Variants in RPA3 observed in about 807,000 individuals in gnomAD.
RPA3 encodes replication protein A3, also known as replication protein A 14 kDa subunit.
In RPA3, 24 loss-of-function variants were observed where a neutral mutation model predicts 13.7. That is an observed-to-expected ratio of 1.75 (90% CI 1.27 to 2.46). The LOEUF is 2.46. Ranked by LOEUF, RPA3 falls within the 30% of genes most tolerant of loss-of-function variation. The pLI is 0.00. For synonymous variants in RPA3, 59 were observed against 51.2 expected (o/e 1.15, Z -0.65); for missense variants, 183 against 151.0 (o/e 1.21, Z -1.11).
intron 2 of RPA3, among the ~76,000 whole-genome samples, chr7:7,703,357 A>G (rs923627046): frequency 1.1e-4 from 16 of 152,296 alleles, no homozygotes; most frequent in African/African-American, 3.9e-4. Context: ...ACTGAAGAAG[A>G]GATTTTCCAT....
intron 4 of RPA3, among the ~76,000 whole-genome samples, chr7:7,680,108 TC>T (rs2115119884): frequency 6.6e-6 from 1 of 152,266 alleles, no homozygotes; most frequent in Non-Finnish European, 1.5e-5. Context: ...ACTCAAGAAA[TC>T]TTTGTTCAGA....
chr7:7,712,537 T>G (rs1786788962), intron 2 of RPA3, among the ~76,000 whole-genome samples: 1 of 152,214 alleles, frequency 6.6e-6, no homozygotes, highest in Non-Finnish European at 1.5e-5. Flanking sequence ...CTGATACTTG[T>G]AGCAACCATC....
intron 7 of RPA3, among the ~76,000 whole-genome samples, chr7:7,637,610 A>G (rs1705339991): frequency 6.6e-6 from 1 of 150,994 alleles, no homozygotes; most frequent in African/African-American, 2.4e-5. Context: ...ATGTAATTGT[A>G]TGTAATACAT....
intron 1 of RPA3, among the ~76,000 whole-genome samples, chr7:7,716,885 G>A (rs960158860): frequency 6.6e-6 from 1 of 152,090 alleles, no homozygotes; most frequent in Non-Finnish European, 1.5e-5. Context: ...GGCGGAGCAT[G>A]CTATGTAAAT....
chr7:7,649,697 C>A (rs1368855017), intron 4 of RPA3, among the ~76,000 whole-genome samples: 2 of 151,204 alleles, frequency 1.3e-5, no homozygotes, highest in Non-Finnish European at 2.9e-5. Context: ...TGGGGGGGCC[C>A]ACCCTACAAA....
intron 4 of RPA3, among the ~76,000 whole-genome samples, chr7:7,645,538 G>T (rs928306333): frequency 6.6e-6 from 1 of 152,146 alleles, no homozygotes; most frequent in Admixed American, 6.5e-5. Flanking sequence ...AAGTGGACCC[G>T]CATTCAGCTT....
chr7:7,677,675 T>G (rs370485453), intron 4 of RPA3, among the ~76,000 whole-genome samples: 71,028 of 123,032 alleles, frequency 0.58, 19,693 homozygotes, highest in East Asian at 0.77. Flanking sequence ...TTTTTTTTTT[T>G]TTTTTTTTTT....
intron 2 of RPA3, among the ~76,000 whole-genome samples, chr7:7,697,584 G>A (rs1780351879): frequency 6.6e-6 from 1 of 151,998 alleles, no homozygotes; most frequent in Non-Finnish European, 1.5e-5. Context: ...ATATGTACCT[G>A]CTAAAGCCCT....
At chr7:7,649,158 C>CAAAAAA (rs34943326) in intron 4 of RPA3, among the ~76,000 whole-genome samples, 35 of 128,840 alleles carry the variant, frequency 2.7e-4, no homozygotes, top group African/African-American at 6.4e-4. Context: ...GACTCCATCT[C>CAAAAAA]AAAAAAAAAA....
chr7:7,677,664 G>GTTTTTTTT (rs141602455), intron 4 of RPA3, among the ~76,000 whole-genome samples: 28 of 113,494 alleles, frequency 2.5e-4, no homozygotes, highest in African/African-American at 3.9e-4. Flanking sequence ...CTGTTTTTTT[G>GTTTTTTTT]TTTTTTTTTT....
At chr7:7,693,127 GTATA>G (rs934334533) in intron 2 of RPA3, among the ~76,000 whole-genome samples, 24 of 152,178 alleles carry the variant, frequency 1.6e-4, no homozygotes, top group African/African-American at 5.5e-4. Flanking sequence ...AACCCCAAAG[GTATA>G]TATATGTCCC....
At chr7:7,706,950 T>G (rs1208687907) in intron 2 of RPA3, among the ~76,000 whole-genome samples, 1 of 152,190 alleles carries the variant, frequency 6.6e-6, no homozygotes, top group African/African-American at 2.4e-5. Context: ...AGCAAATCTT[T>G]CCTAATGCCA....
In RPA3 at chr7:7,680,421, G is replaced by C. The variant is rs531011435; in HGVS notation, c.-758+5409C>G. On this transcript the variant is annotated intron_variant, in intron 4 of 7. Coordinates refer to ENST00000223129, the MANE Select transcript of RPA3 (RefSeq NM_002947.5). ...ATGTGTCTGTTTTTATGCCGGTACT[G>C]TGCTATTTTAGTTACTATAGCTTTT... Among the ~76,000 whole-genome samples, 3 of 152,142 alleles carry C rather than the reference G, an allele frequency of 2.0e-5. No homozygotes were observed. The East Asian group carries it at 5.8e-4, about 29-fold the overall frequency.
intron 4 of RPA3, among the ~76,000 whole-genome samples, chr7:7,653,980 G>A (rs1785284713): frequency 6.6e-6 from 1 of 152,192 alleles, no homozygotes; most frequent in Non-Finnish European, 1.5e-5. Flanking sequence ...AATGTAATAT[G>A]AGATTTCCCC....
chr7:7,692,759 G>A (rs1236170929), intron 2 of RPA3, among the ~76,000 whole-genome samples: 3 of 151,966 alleles, frequency 2.0e-5, no homozygotes, highest in South Asian at 2.1e-4. Context: ...ACAGGCCTGC[G>A]CCACCATGCC....
chr7:7,716,283 C>G lies in RPA3; in HGVS notation c.-1079-1057G>C, dbSNP rs569941999. On this transcript the variant is annotated intron_variant, in intron 1 of 7. Transcript: ENST00000223129. ...ATTACAACATGGGAAGGAACAATGC[C>G]AAGAAAAATTGTATTTATTCTTATA... 9.9e-5 allele frequency among the ~76,000 whole-genome samples: 15 copies of G among 152,200 alleles called. 1 individual carries two copies. Among genetic ancestry groups the G allele is most frequent in the East Asian group, 5.8e-4 (3 of 5,184 alleles).
chr7:7,662,147 G>A (rs191782466), intron 4 of RPA3, among the ~76,000 whole-genome samples: 7 of 152,276 alleles, frequency 4.6e-5, no homozygotes, highest in Admixed American at 3.3e-4. Context: ...AGTAATGGCA[G>A]ATGCCCTTCC....
intron 4 of RPA3, among the ~76,000 whole-genome samples, chr7:7,685,402 TG>T (rs1352158872): frequency 1.3e-5 from 2 of 151,470 alleles, no homozygotes; most frequent in Middle Eastern, 3.2e-3. Context: ...CTCTGCCTCA[TG>T]GGTTCAAGCG....
intron 4 of RPA3, among the ~76,000 whole-genome samples, chr7:7,677,855 A>G (rs1226706282): frequency 1.3e-5 from 2 of 150,496 alleles, no homozygotes; most frequent in Non-Finnish European, 3.0e-5. Context: ...TTGTATTTTT[A>G]GTAGAGACGG....
Sources: gnomAD v4.1 joint callset for allele counts (sites outside exome capture counted in the v4.1 genomes callset) on GRCh38, gnomAD v4.1.1 for gene constraint, MANE v1.5 for transcripts, NCBI Gene and HGNC (gene_info 2026-07-23, HGNC 2026-07-21) for gene names.